LHCGR: variants seen among roughly 807,000 people sequenced by gnomAD.
The protein encoded by LHCGR is lutropin-choriogonadotropic hormone receptor.
A neutral mutation model predicts 60.7 loss-of-function variants in LHCGR; 55 were observed. The observed-to-expected ratio is 0.91, with a 90% CI of 0.73 to 1.13. The LOEUF is 1.13. Among genes scored for constraint, LHCGR ranks in the 50% most tolerant of loss-of-function variants. LHCGR has a pLI of 0.00. For synonymous variants in LHCGR, 337 were observed against 316.5 expected, an observed-to-expected ratio of 1.06 and a Z score of -0.69; for missense variants, 862 against 836.0, an observed-to-expected ratio of 1.03 and a Z score of -0.38.
chr2:48,742,605 C>G (rs1407393165), intron 1 of LHCGR, among the ~76,000 whole-genome samples: 1 of 151,208 alleles, frequency 6.6e-6, no homozygotes, highest in South Asian at 2.1e-4. Context: ...GGGTACATAA[C>G]AAAATGAAGG....
At chr2:48,691,621 A>G (rs1572811770) in intron 10 of LHCGR, among the ~76,000 whole-genome samples, 1 of 152,124 alleles carries the variant, frequency 6.6e-6, no homozygotes, top group East Asian at 1.9e-4. Context: ...TGAGGCTGGC[A>G]GATCACCTGA....
At chr2:48,725,018 A>G (rs1021349124) in intron 4 of LHCGR, among the ~76,000 whole-genome samples, 15 of 152,152 alleles carry the variant, frequency 9.9e-5, no homozygotes, top group African/African-American at 3.6e-4. Flanking sequence ...TTCTTTGTGA[A>G]TAGGGATGAC....
intron 3 of LHCGR, among the ~76,000 whole-genome samples, chr2:48,726,040 C>G (rs1668706324): frequency 6.6e-6 from 1 of 152,066 alleles, no homozygotes; most frequent in African/African-American, 2.4e-5. Flanking sequence ...CCACCACAGA[C>G]AGCACCGACA....
intron 8 of LHCGR, among the ~76,000 whole-genome samples, chr2:48,701,729 A>T (rs1408899505): frequency 6.6e-6 from 1 of 152,200 alleles, no homozygotes; most frequent in African/African-American, 2.4e-5. Context: ...TGAAGGCAGA[A>T]GTGTTTGTCT....
chr2:48,722,748 T>C (rs551496518), intron 6 of LHCGR, among the ~76,000 whole-genome samples: 22 of 152,284 alleles, frequency 1.4e-4, no homozygotes, highest in African/African-American at 5.1e-4. Context: ...AATTAAAACC[T>C]CTTTTCTTTA....
intron 6 of LHCGR, among the ~76,000 whole-genome samples, chr2:48,715,524 T>C (rs1668208189): frequency 6.6e-6 from 1 of 152,178 alleles, no homozygotes; most frequent in Non-Finnish European, 1.5e-5. Context: ...GGACAGGCTG[T>C]GGGGTGTGAC....
At chr2:48,698,522 T>C in intron 9 of LHCGR, 93 bp downstream of exon 9, 5 of 984,512 alleles carry the variant, frequency 5.1e-6, no homozygotes, top group Non-Finnish European at 8.0e-6. Context: ...AGGTAGGGAG[T>C]GAAGGGGAGT....
chr2:48,737,643 T>C (rs1245145399), intron 1 of LHCGR, among the ~76,000 whole-genome samples: 1 of 152,264 alleles, frequency 6.6e-6, no homozygotes, highest in Non-Finnish European at 1.5e-5. Flanking sequence ...GCCTATTGTC[T>C]TCAGCATTTA....
chr2:48,729,297 G>T, intron 2 of LHCGR, 70 bp from the exon 3 acceptor site: 1 of 1,174,560 alleles, frequency 8.5e-7, no homozygotes, highest in South Asian at 1.2e-5. Context: ...ATGATTATGA[G>T]CTATGTGTGT....
At chr2:48,742,940 T>C (rs1407107251) in intron 1 of LHCGR, among the ~76,000 whole-genome samples, 1 of 151,990 alleles carries the variant, frequency 6.6e-6, no homozygotes. Context: ...ATTGATAAAC[T>C]GCTAGCAAGA....
rs1418295605 is a variant in LHCGR, at chr2:48,716,685, T to A, written c.537-2631A>T. On this transcript the variant is annotated intron_variant, in intron 6 of 10. Transcript: ENST00000294954. ...CCTTAGAAGCTCAATTTCACCAGAA[T>A]TTTTTAAAATTTTGCACCTAGGATG... Among the ~76,000 whole-genome samples the A allele has an allele frequency of 2.6e-5, 4 of 152,234 alleles. No individual in the cohort carries two copies. The South Asian group carries it at 8.3e-4, about 31-fold the overall frequency.
chr2:48,728,982 C>A (rs759804182), intron 3 of LHCGR, among the ~76,000 whole-genome samples, 171 bp downstream of exon 3: 32 of 152,184 alleles, frequency 2.1e-4, no homozygotes, highest in Non-Finnish European at 1.6e-4. Flanking sequence ...ACCATAGCAA[C>A]CTACAGGCCA....
chr2:48,717,199 A>G (rs1668287198), intron 6 of LHCGR, among the ~76,000 whole-genome samples: 1 of 152,228 alleles, frequency 6.6e-6, no homozygotes, highest in Non-Finnish European at 1.5e-5. Flanking sequence ...AGCTGCTAAC[A>G]GTTGTCTAGA....
In LHCGR at chr2:48,723,634, G is replaced by T; in HGVS notation, c.446C>A (p.Ser149Ter). 1.2e-6 allele frequency: 2 copies of T among 1,613,500 alleles called. No individual in the cohort carries two copies. Among genetic ancestry groups the T allele is most frequent in the South Asian group, 2.2e-5 (2 of 91,048 alleles). Residue 149 changes from serine to a stop codon, truncating the protein, a stop_gained, in exon 5 of 11, where the codon TCA (serine) becomes TAA (stop). Coordinates refer to ENST00000294954, the MANE Select transcript of LHCGR (RefSeq NM_000233.4). LOFTEE classifies it high-confidence loss of function. ...GCCTGGTACTTACAGAATGAAATTT[G>T]ATTCAGAGGAGAAGACCTTCGTAAC... ...PDVTKVFSSE[S>*]NFILEICDNL...
rs777984127 is a variant in LHCGR at position 48,688,753 on chromosome 2, A to G, written c.1044T>C (p.Asp348=). ...PKTPRCAPEP[D]AFNPCEDIMG... ...TAATATCTTCACAGGGATTAAAAGC[A>G]TCTGGTTCAGGAGCACATCGGGGTG... The change falls in exon 11 of 11, where the codon GAT becomes GAC. Residue 348 remains aspartate (D), a synonymous_variant. Transcript: ENST00000294954. This position sits in a 1 kb window ranked among gnomAD's most constrained non-coding sequence, Gnocchi z 5.2. The G allele has an allele frequency of 1.9e-6, 3 of 1,614,040 alleles. No homozygotes were observed.
chr2:48,727,258 T>TA (rs887607626), intron 3 of LHCGR, among the ~76,000 whole-genome samples: 26 of 143,754 alleles, frequency 1.8e-4, no homozygotes, highest in South Asian at 4.4e-4. Context: ...AGACCCTGTA[T>TA]AAAAAAAAAA....
chr2:48,717,560 A>G (rs893663840), intron 6 of LHCGR, among the ~76,000 whole-genome samples: 1 of 151,830 alleles, frequency 6.6e-6, no homozygotes. Context: ...TATTATTATT[A>G]TATTTTTCAG....
chr2:48,697,945 A>G (rs941239619), intron 9 of LHCGR, among the ~76,000 whole-genome samples: 3 of 152,236 alleles, frequency 2.0e-5, no homozygotes, highest in African/African-American at 7.2e-5. Context: ...CTGGGTTGCA[A>G]TACCAAAGTA....
intron 1 of LHCGR, among the ~76,000 whole-genome samples, chr2:48,738,474 T>C (rs533320729): frequency 6.6e-6 from 1 of 152,208 alleles, no homozygotes; most frequent in South Asian, 2.1e-4. Context: ...TCTAGATTAC[T>C]CTTCCTGACA....
Sources: allele counts gnomAD v4.1 joint callset (sites outside exome capture counted in the v4.1 genomes callset), GRCh38; gene constraint gnomAD v4.1.1; non-coding constraint Gnocchi (gnomAD v3.1); transcripts MANE v1.5; gene names NCBI Gene and HGNC (gene_info 2026-07-23, HGNC 2026-07-21).